The following OPCML variants were observed in gnomAD, a reference collection of about 807,000 sequenced individuals.
The protein encoded by OPCML is opioid binding protein/cell adhesion molecule like, also known as opioid-binding protein/cell adhesion molecule.
OPCML carries 13 observed loss-of-function variants against 37.8 expected under a neutral mutation model. The observed-to-expected ratio is 0.34, with a 90% CI of 0.22 to 0.55. The LOEUF (loss-of-function observed/expected upper bound fraction) is 0.55. Among genes scored for constraint, OPCML ranks in the 20% least tolerant of loss-of-function variants. The pLI, the probability that OPCML is intolerant of heterozygous loss-of-function variation, is 0.91. For synonymous variants in OPCML, 176 were observed against 168.8 expected, an observed-to-expected ratio of 1.04 and a Z score of -0.33; for missense variants, 341 against 435.6, an observed-to-expected ratio of 0.78 and a Z score of 1.93.
intron 1 of OPCML, among the ~76,000 whole-genome samples, chr11:133,475,868 T>C (rs1019304754): frequency 1.3e-5 from 2 of 150,314 alleles, no homozygotes; most frequent in Admixed American, 6.6e-5. Context: ...TCAGCCAAGA[T>C]ACTGAAATAA....
At chr11:133,339,716 C>T (rs775822761) in intron 1 of OPCML, among the ~76,000 whole-genome samples, 18 of 152,190 alleles carry the variant, frequency 1.2e-4, no homozygotes, top group Admixed American at 2.6e-4. Flanking sequence ...GGCACATAAT[C>T]ACACATCACT....
At chr11:132,740,983 G>A (rs1945416417) in intron 2 of OPCML, among the ~76,000 whole-genome samples, 1 of 152,224 alleles carries the variant, frequency 6.6e-6, no homozygotes, top group Non-Finnish European at 1.5e-5. Context: ...TGAAGGGACA[G>A]TATGACGTGA....
intron 1 of OPCML, among the ~76,000 whole-genome samples, chr11:133,230,949 T>A (rs1940250100): frequency 6.6e-6 from 1 of 152,256 alleles, no homozygotes; most frequent in Admixed American, 6.5e-5. Context: ...AGACACCGGA[T>A]CTGCCACCTC....
chr11:132,770,093 A>G (rs964747065), intron 2 of OPCML, among the ~76,000 whole-genome samples: 2 of 152,022 alleles, frequency 1.3e-5, no homozygotes, highest in African/African-American at 4.8e-5. Context: ...TTATTAGAGG[A>G]AAGAAAAAAA....
chr11:132,954,602 G>A (rs1216883384), intron 1 of OPCML, among the ~76,000 whole-genome samples: 2 of 152,156 alleles, frequency 1.3e-5, no homozygotes, highest in African/African-American at 2.4e-5. Flanking sequence ...TTGAGGGGCT[G>A]GTGAAACATC....
chr11:132,467,612 G>C (rs867623255), intron 4 of OPCML, among the ~76,000 whole-genome samples: 9 of 152,144 alleles, frequency 5.9e-5, no homozygotes, highest in Admixed American at 1.3e-4. Flanking sequence ...TAAAAGGCTG[G>C]CACACCAACG....
At chr11:133,314,107 C>A (rs796664976) in intron 1 of OPCML, among the ~76,000 whole-genome samples, 100 of 147,256 alleles carry the variant, frequency 6.8e-4, no homozygotes, top group East Asian at 2.4e-3. Flanking sequence ...TAGTGGCGGG[C>A]GCCTGTAGTC....
At chr11:132,670,865 C>T (rs2135816041) in intron 2 of OPCML, among the ~76,000 whole-genome samples, 1 of 149,128 alleles carries the variant, frequency 6.7e-6, no homozygotes, top group South Asian at 2.1e-4. Context: ...CTTAACTTTT[C>T]CTAGTGTTCA....
At chr11:133,260,312 C>T (rs1033735861) in intron 1 of OPCML, among the ~76,000 whole-genome samples, 3 of 151,866 alleles carry the variant, frequency 2.0e-5, no homozygotes, top group African/African-American at 7.3e-5. Flanking sequence ...CAAAATGAGG[C>T]AGAAATGTAA....
At chr11:133,233,682 T>C (rs1940388905) in intron 1 of OPCML, among the ~76,000 whole-genome samples, 1 of 152,150 alleles carries the variant, frequency 6.6e-6, no homozygotes, top group Admixed American at 6.5e-5. Flanking sequence ...GGTATATAAG[T>C]CTCAAGTCTA....
At chr11:132,748,248 T>C (rs1440700718) in intron 2 of OPCML, among the ~76,000 whole-genome samples, 3 of 152,164 alleles carry the variant, frequency 2.0e-5, no homozygotes, top group Non-Finnish European at 4.4e-5. Context: ...TGATTTCATT[T>C]AGCCATATCG....
chr11:133,150,807 A>G (rs972521014), intron 1 of OPCML, among the ~76,000 whole-genome samples: 11 of 152,000 alleles, frequency 7.2e-5, no homozygotes, highest in African/African-American at 2.4e-4. Context: ...TCCAGCTCCG[A>G]CACTGCAGAA....
At chr11:133,168,042 G>T (rs1950236934) in intron 1 of OPCML, among the ~76,000 whole-genome samples, 2 of 152,272 alleles carry the variant, frequency 1.3e-5, no homozygotes, top group Middle Eastern at 6.8e-3. Context: ...TAAAAGGTGT[G>T]TCAATGAATT....
chr11:133,383,257 G>C (rs1456364451), intron 1 of OPCML, among the ~76,000 whole-genome samples: 1 of 152,124 alleles, frequency 6.6e-6, no homozygotes, highest in Non-Finnish European at 1.5e-5. Flanking sequence ...AGCCCTGTGA[G>C]AGCTCATTCC....
intron 4 of OPCML, among the ~76,000 whole-genome samples, chr11:132,509,151 G>A (rs1242164664): frequency 6.6e-6 from 1 of 152,182 alleles, no homozygotes. Flanking sequence ...GACACTGGTG[G>A]CATTTTGTCC....
At chr11:133,485,518 C>G (rs1947507725) in intron 1 of OPCML, among the ~76,000 whole-genome samples, 1 of 152,092 alleles carries the variant, frequency 6.6e-6, no homozygotes, top group Non-Finnish European at 1.5e-5. Flanking sequence ...AACAATTTTC[C>G]TTTCTGCATC....
chr11:133,007,323 A>C (rs1947132051), intron 1 of OPCML: 1 of 985,362 alleles, frequency 1.0e-6, no homozygotes, highest in African/African-American at 1.7e-5. Flanking sequence ...TGACCTCAGC[A>C]GAACTCTGGA....
chr11:132,923,012 T>C (rs769754269), intron 2 of OPCML, among the ~76,000 whole-genome samples: 7 of 151,812 alleles, frequency 4.6e-5, no homozygotes, highest in African/African-American at 7.3e-5. Flanking sequence ...AAGTCAAGGC[T>C]GTATTGGGCC....
intron 1 of OPCML, among the ~76,000 whole-genome samples, chr11:133,433,553 T>C (rs1179107477): frequency 6.6e-6 from 1 of 152,194 alleles, no homozygotes; most frequent in African/African-American, 2.4e-5. Flanking sequence ...AGGATTTGCC[T>C]TGTTTTTACC....
Sources: allele counts gnomAD v4.1 joint callset (sites outside exome capture counted in the v4.1 genomes callset), GRCh38; gene constraint gnomAD v4.1.1; transcripts MANE v1.5; gene names NCBI Gene and HGNC (gene_info 2026-07-23, HGNC 2026-07-21).